SLCO2B1: variants seen among roughly 807,000 people sequenced by gnomAD.
SLCO2B1 encodes the protein solute carrier organic anion transporter family member 2B1, also known as OATP-RP2.
A neutral mutation model predicts 67.3 loss-of-function variants in SLCO2B1; 41 were observed. The ratio of observed to expected loss-of-function variants is 0.61; its 90% CI spans 0.47 to 0.79. SLCO2B1 has a LOEUF of 0.79. Ranked by LOEUF, SLCO2B1 falls within the 30% of genes least tolerant of loss-of-function variation. The pLI is 0.00. For synonymous variants in SLCO2B1, 379 were observed against 381.4 expected (o/e 0.99, Z 0.07); for missense variants, 837 against 920.1 (o/e 0.91, Z 1.17).
At chr11:75,159,401 G>A (rs1949786378) in intron 1 of SLCO2B1, among the ~76,000 whole-genome samples, 1 of 152,202 alleles carries the variant, frequency 6.6e-6, no homozygotes, top group Non-Finnish European at 1.5e-5. Context: ...CATTCCCGCA[G>A]GCAACCGCCT....
At chr11:75,179,377 G>T (rs1950067795) in intron 7 of SLCO2B1, among the ~76,000 whole-genome samples, 1 of 151,342 alleles carries the variant, frequency 6.6e-6, no homozygotes, top group Non-Finnish European at 1.5e-5. Flanking sequence ...GATTACAGGT[G>T]CCCGCCACCA....
At chr11:75,172,281 TG>T in intron 6 of SLCO2B1, 97 bp from the exon 7 acceptor site, 1 of 1,135,748 alleles carries the variant, frequency 8.8e-7, no homozygotes. Context: ...ACTCCCAGCC[TG>T]GGCCACCTCA....
intron 7 of SLCO2B1, among the ~76,000 whole-genome samples, chr11:75,176,120 T>A (rs1789693): frequency 0.56 from 84,764 of 152,084 alleles, 25,324 homozygotes; most frequent in Non-Finnish European, 0.65. Context: ...GCTAGGCCCA[T>A]GGACTCCTGG....
Position 75,202,983 on chromosome 11 carries a change from G to C in SLCO2B1, c.1828+18G>C, listed in dbSNP as rs1945206682. The C allele has an allele frequency of 1.2e-6, 2 of 1,610,936 alleles. No homozygotes were observed. Among genetic ancestry groups the C allele is most frequent in the Non-Finnish European group, 1.7e-6 (2 of 1,177,208 alleles). The stretch of plus-strand genomic sequence containing the variant: ...GATTTTGGGTAAAGATCTTGCTTGG[G>C]ACCATTGGTGGTGGTGATGGGGTCC... On this transcript the variant is annotated intron_variant, in intron 12 of 13. Transcript: ENST00000289575.
Position 75,169,210 on chromosome 11 carries a change from G to A in SLCO2B1, c.486G>A (p.Leu162=), listed in dbSNP as rs751701016. 5 of 1,614,062 alleles carry A rather than the reference G, an allele frequency of 3.1e-6. No individual in the cohort carries two copies. In the East Asian group the frequency reaches 1.1e-4, roughly 36 times the overall value. ...AGGACTTCAAGGCTTCCCTGTGCCT[G>A]CCCACAACCTCGGCCCCAGCCTCGG... is the stretch of plus-strand genomic sequence containing the variant. ...MPQDFKASLC[L]PTTSAPASAP... The change falls in exon 5 of 14, where the codon CTG becomes CTA. Residue 162 remains leucine (L), a synonymous_variant. Coordinates refer to ENST00000289575, the MANE Select transcript of SLCO2B1 (RefSeq NM_007256.5).
chr11:75,176,420 G>A (rs1311842234), intron 7 of SLCO2B1, among the ~76,000 whole-genome samples: 2 of 152,206 alleles, frequency 1.3e-5, no homozygotes, highest in African/African-American at 2.4e-5. Flanking sequence ...CCAGGAGTCT[G>A]TTTGTCTGTT....
At chr11:75,185,506 T>C (rs957514242) in intron 7 of SLCO2B1, among the ~76,000 whole-genome samples, 12 of 146,080 alleles carry the variant, frequency 8.2e-5, no homozygotes, top group African/African-American at 2.8e-4. Flanking sequence ...AGTCTCTTTT[T>C]TTTTTTTTTT....
In SLCO2B1 at chr11:75,162,699, GC is replaced by G. The variant is rs1178720547; in HGVS notation, c.63del (p.Thr22GlnfsTer43). On this transcript the variant is annotated frameshift_variant, in exon 2 of 14. Coordinates refer to ENST00000289575, the MANE Select transcript of SLCO2B1 (RefSeq NM_007256.5). LOFTEE classifies it high-confidence loss of function. ...CCAGGTACCAGACAAGGAAACCAAA[GC>G]CACAATGGGCACAGAAAACACACCT... ...VPQVPDKETK[A>X]TMGTENTPGG... 1 of 1,613,642 alleles carries G rather than the reference GC, an allele frequency of 6.2e-7. No homozygotes were observed. Among genetic ancestry groups the G allele is most frequent in the Non-Finnish European group, 8.5e-7 (1 of 1,179,952 alleles).
intron 5 of SLCO2B1, 118 bp downstream of exon 5, chr11:75,169,524 TA>T: frequency 8.4e-7 from 1 of 1,194,234 alleles, no homozygotes. Flanking sequence ...ATCTGGCCAG[TA>T]AAGGTCCAGG....
intron 12 of SLCO2B1, 147 bp from the exon 13 acceptor site, chr11:75,203,160 A>G: frequency 1.6e-6 from 2 of 1,280,292 alleles, no homozygotes; most frequent in African/African-American, 1.5e-5. Context: ...TCAGGAAGCC[A>G]CCTCGGATGC....
chr11:75,152,173 C>A (rs1313183638), intron 1 of SLCO2B1, among the ~76,000 whole-genome samples: 4 of 152,250 alleles, frequency 2.6e-5, no homozygotes, highest in Admixed American at 1.3e-4. Flanking sequence ...GAACAGAGCA[C>A]CTGGCCCAAC....
At chr11:75,176,269 C>T (rs1950022259) in intron 7 of SLCO2B1, among the ~76,000 whole-genome samples, 1 of 152,178 alleles carries the variant, frequency 6.6e-6, no homozygotes, top group Admixed American at 6.5e-5. Flanking sequence ...GCCCTCTGGT[C>T]CTTCTGACAA....
chr11:75,206,419 GT>G lies in SLCO2B1; in HGVS notation c.*1842del, dbSNP rs1445540024. 1 of 152,044 alleles carries G rather than the reference GT, an allele frequency of 6.6e-6. No individual in the cohort carries two copies. The highest frequency in any genetic ancestry group is 1.5e-5 in the Non-Finnish European group (1 of 68,002). The allele number at this position is 152,044 out of a possible 1,614,324, so 9.4% of individuals were successfully genotyped here. The stretch of plus-strand genomic sequence containing the variant: ...ATCTTTATATTCTGGTCTAATTTTT[GT>G]TTGAGTGTCTTCGTCTACTAATGGT... On this transcript the variant is annotated 3_prime_UTR_variant, in exon 14 of 14. Coordinates refer to ENST00000289575, the MANE Select transcript of SLCO2B1 (RefSeq NM_007256.5).
Position 75,165,939 on chromosome 11 carries a change from CACCAGCCCTGGT to C in SLCO2B1, c.440_448+3del, listed in dbSNP as rs1949885468. 2 of 1,613,910 alleles carry C rather than the reference CACCAGCCCTGGT, an allele frequency of 1.2e-6. No individual in the cohort carries two copies. The highest frequency in any genetic ancestry group is 1.7e-6 in the Non-Finnish European group (2 of 1,179,848). On this transcript the variant is annotated splice_donor_variant and coding_sequence_variant, in exon 4 of 14. Coordinates refer to ENST00000289575, the MANE Select transcript of SLCO2B1 (RefSeq NM_007256.5). LOFTEE classifies it high-confidence loss of function. The stretch of plus-strand genomic sequence containing the variant: ...TCTCGGAGCCATACCGCTACGACAA[CACCAGCCCTGGT>C]AAGAGCAGCAGGGGCTGGGCAGGAG...
chr11:75,189,075 A>G (rs1356714423), intron 8 of SLCO2B1, among the ~76,000 whole-genome samples: 1 of 152,190 alleles, frequency 6.6e-6, no homozygotes, highest in Non-Finnish European at 1.5e-5. Context: ...CCGTTTCCCC[A>G]TCTATATAGC....
chr11:75,171,784 A>G (rs2140315478), intron 6 of SLCO2B1, among the ~76,000 whole-genome samples: 1 of 152,326 alleles, frequency 6.6e-6, no homozygotes, highest in African/African-American at 2.4e-5. Context: ...CTCTGTGGTC[A>G]TTCTAAGTGG....
At chr11:75,180,844 G>A (rs372510360) in intron 7 of SLCO2B1, among the ~76,000 whole-genome samples, 96 of 152,308 alleles carry the variant, frequency 6.3e-4, no homozygotes, top group African/African-American at 2.2e-3. Flanking sequence ...GGGTAACAGA[G>A]ATTAAGTAAC....
In SLCO2B1 at chr11:75,165,810, G is replaced by T. The variant is rs373764672; in HGVS notation, c.309G>T (p.Val103=). The change falls in exon 4 of 14, where the codon GTG becomes GTT. Residue 103 remains valine (V), a synonymous_variant. Coordinates refer to ENST00000289575, the MANE Select transcript of SLCO2B1 (RefSeq NM_007256.5). Reference sequence around the variant, plus strand: ...AGGTGGGGAACACAGCCTTGATTGTGTTTGTGAGCTATTTTGGCAGCCGGG... The same window carrying T: ...AGGTGGGGAACACAGCCTTGATTGTTTTTGTGAGCTATTTTGGCAGCCGGG... The part of the protein sequence containing the change: ...FNEVGNTALI[V]FVSYFGSRVH... The T allele has an allele frequency of 5.0e-6, 8 of 1,614,102 alleles. No individual in the cohort carries two copies. Among genetic ancestry groups the T allele is most frequent in the Middle Eastern group, 1.6e-4 (1 of 6,084 alleles).
Position 75,156,628 on chromosome 11 carries a change from A to G in SLCO2B1, c.16+5231A>G, listed in dbSNP as rs963070201. Among the ~76,000 whole-genome samples the G allele has an allele frequency of 2.0e-5, 3 of 152,262 alleles. No individual in the cohort carries two copies. The East Asian group carries it at 5.8e-4, about 29-fold the overall frequency. On this transcript the variant is annotated intron_variant, in intron 1 of 13. Transcript: ENST00000289575. ...CCAGACCCCAAGAGAGGGCTCTTGGATCTCGTGCAAGAAAGAATTCAGTGT... is the reference window on the plus strand; with the variant it reads ...CCAGACCCCAAGAGAGGGCTCTTGGGTCTCGTGCAAGAAAGAATTCAGTGT...
Sources: allele counts gnomAD v4.1 joint callset (sites outside exome capture counted in the v4.1 genomes callset), GRCh38; gene constraint gnomAD v4.1.1; transcripts MANE v1.5; gene names NCBI Gene and HGNC (gene_info 2026-07-23, HGNC 2026-07-21).